The following NFAM1 variants were observed in gnomAD, a reference collection of about 807,000 sequenced individuals.
The protein encoded by NFAM1 is NFAT activation molecule 1.
Under a neutral mutation model 29.0 loss-of-function variants are expected in NFAM1, and 17 were observed. That is an observed-to-expected ratio of 0.59 (90% CI 0.40 to 0.88). NFAM1 has a LOEUF of 0.88. Among genes scored for constraint, NFAM1 ranks in the 40% least tolerant of loss-of-function variants. The pLI is 0.00. For missense variants in NFAM1, 324 were observed against 344.6 expected, an observed-to-expected ratio of 0.94 and a Z score of 0.47; for synonymous variants, 175 against 147.2, an observed-to-expected ratio of 1.19 and a Z score of -1.36.
At chr22:42,420,021 T>TGAGGCAGAA (rs1930392460) in intron 1 of NFAM1, among the ~76,000 whole-genome samples, 1 of 100,302 alleles carries the variant, frequency 1.0e-5, no homozygotes, top group Admixed American at 1.1e-4. Context: ...TTTTTTTTTT[T>TGAGGCAGAA]TTTTTCTGAG....
At position 42,419,998 on chromosome 22, in the gene NFAM1, T is replaced by TTTTG. The variant is rs1569234727; in HGVS notation, c.122-8263_122-8262insCAAA. 3.8e-5 allele frequency among the ~76,000 whole-genome samples: 1 copy of TTTTG among 25,976 alleles called. No individual in the cohort carries two copies. Among genetic ancestry groups the TTTTG allele is most frequent in the Non-Finnish European group, 7.1e-5 (1 of 14,168 alleles). 17.0% of individuals were successfully genotyped at this position (25,976 alleles called of 152,430 possible). On this transcript the variant is annotated intron_variant, in intron 1 of 5. Transcript: ENST00000329021. This position sits in a 1 kb window ranked among gnomAD's most constrained non-coding sequence, Gnocchi z 4.5. Reference sequence around the variant, plus strand: ...CTGTAATCCCACTCTTGGTTTTTTTTTTTTTTTTTTTTTTTTTTTTTTTTT... The same window carrying TTTTG: ...CTGTAATCCCACTCTTGGTTTTTTTTTTTGTTTTTTTTTTTTTTTTTTTTTTTTT...
chr22:42,431,320 A>C (rs763933405), intron 1 of NFAM1, among the ~76,000 whole-genome samples: 1 of 152,186 alleles, frequency 6.6e-6, no homozygotes, highest in Non-Finnish European at 1.5e-5. Flanking sequence ...ATTTGTGGTC[A>C]TGAGAGGGGG....
intron 4 of NFAM1, among the ~76,000 whole-genome samples, chr22:42,390,109 G>C (rs1601734138): frequency 6.6e-6 from 1 of 151,970 alleles, no homozygotes; most frequent in Non-Finnish European, 1.5e-5. Context: ...CTGAGAGTAA[G>C]ATCGAGGATG....
chr22:42,435,812 CTTCTTTTT>C (rs1930925066), upstream of NFAM1, among the ~76,000 whole-genome samples: 1 of 133,170 alleles, frequency 7.5e-6, no homozygotes, highest in African/African-American at 3.3e-5. Context: ...TCCTTTTCTT[CTTCTTTTT>C]TTTTTTTTTT....
intron 1 of NFAM1, among the ~76,000 whole-genome samples, chr22:42,414,124 A>G (rs1930182449): frequency 6.6e-6 from 1 of 152,172 alleles, no homozygotes; most frequent in Non-Finnish European, 1.5e-5. Flanking sequence ...AGGCACTCAC[A>G]GTTCCAGGGA....
chr22:42,437,802 G>A, the NFAM1 span, among the ~76,000 whole-genome samples: 6 of 152,234 alleles, frequency 3.9e-5, no homozygotes, highest in African/African-American at 1.4e-4. Flanking sequence ...AGGGCAGTGG[G>A]GGTTCCGGGG....
At chr22:42,435,063 C>A (rs559308630), upstream of NFAM1, among the ~76,000 whole-genome samples, 1 of 152,232 alleles carries the variant, frequency 6.6e-6, no homozygotes, top group East Asian at 1.9e-4. Context: ...AGCTTCCAAG[C>A]GCCTGACACT....
Position 42,388,214 on chromosome 22 carries a change from C to A in NFAM1, c.664-1136G>T, listed in dbSNP as rs757990624. ...TAGGTTCGAATCTCGGCTCTGACTG[C>A]GCCAGCCAAAGGCAACCCCTTAACC... On this transcript the variant is annotated intron_variant, in intron 4 of 5. Transcript: ENST00000329021. This position sits in a 1 kb window ranked among gnomAD's most constrained non-coding sequence, Gnocchi z 4.1. Among the ~76,000 whole-genome samples the A allele has an allele frequency of 3.9e-5, 6 of 151,910 alleles. No individual in the cohort carries two copies. Among genetic ancestry groups the A allele is most frequent in the Non-Finnish European group, 8.8e-5 (6 of 67,972 alleles).
At chr22:42,385,862 C>T (rs920866115) in intron 5 of NFAM1, among the ~76,000 whole-genome samples, 6 of 152,110 alleles carry the variant, frequency 3.9e-5, no homozygotes, top group African/African-American at 7.2e-5. Flanking sequence ...AGTGCCAGCC[C>T]GAGCCAGAGA....
At chr22:42,420,592 A>G (rs1482478773) in intron 1 of NFAM1, among the ~76,000 whole-genome samples, 1 of 151,840 alleles carries the variant, frequency 6.6e-6, no homozygotes, top group Non-Finnish European at 1.5e-5. Flanking sequence ...ACGGTGAAAC[A>G]CTGTCTCTAC....
intron 1 of NFAM1, among the ~76,000 whole-genome samples, chr22:42,420,137 A>G (rs1046686891): frequency 9.3e-5 from 14 of 150,296 alleles, no homozygotes; most frequent in African/African-American, 2.9e-4. Context: ...CAGCTTCCCA[A>G]GTTGCTAGGA....
At chr22:42,392,893 A>G (rs1330305533) in intron 4 of NFAM1, among the ~76,000 whole-genome samples, 1 of 151,950 alleles carries the variant, frequency 6.6e-6, no homozygotes, top group Non-Finnish European at 1.5e-5. Context: ...TCTGCCTCCC[A>G]GGTTCAAGTG....
At chr22:42,390,473 G>A (rs1929296415) in intron 4 of NFAM1, among the ~76,000 whole-genome samples, 1 of 152,134 alleles carries the variant, frequency 6.6e-6, no homozygotes, top group East Asian at 1.9e-4. Context: ...TGAAAGGGAA[G>A]TCAGGAAAAT....
rs1928916643 is a variant in NFAM1 at position 42,380,747 on chromosome 22, G to A, written c.*4414C>T. On this transcript the variant is annotated 3_prime_UTR_variant, in exon 6 of 6. Coordinates refer to ENST00000329021, the MANE Select transcript of NFAM1 (RefSeq NM_145912.8). ...AAAAATCCATCCCTGAAATCCCAGAGGCATCTTTAGAATGGAGCATGGACT... is the reference window on the plus strand; with the variant it reads ...AAAAATCCATCCCTGAAATCCCAGAAGCATCTTTAGAATGGAGCATGGACT... 6.6e-6 allele frequency: 1 copy of A among 152,512 alleles called. No individual in the cohort carries two copies. The highest frequency in any genetic ancestry group is 1.5e-5 in the Non-Finnish European group (1 of 68,030). The allele number at this position is 152,512 out of a possible 1,614,324, so 9.4% of individuals were successfully genotyped here. A position where few individuals can be genotyped will look rare whatever the true frequency, so the allele number is the denominator to read the frequency against.
intron 1 of NFAM1, among the ~76,000 whole-genome samples, chr22:42,425,073 C>T (rs1199817341): frequency 6.6e-6 from 1 of 152,088 alleles, no homozygotes; most frequent in Non-Finnish European, 1.5e-5. Flanking sequence ...AGGTGCATGC[C>T]ACCATGCCTG....
chr22:42,410,645 C>T lies in NFAM1; in HGVS notation c.451+762G>A, dbSNP rs548675488. 1.6e-4 allele frequency among the ~76,000 whole-genome samples: 22 copies of T among 138,812 alleles called. No individual in the cohort carries two copies. In the South Asian group the frequency reaches 3.3e-3, roughly 21 times the overall value. The allele number at this position is 138,812 out of a possible 152,430, so 91.1% of individuals were successfully genotyped here. ...GTGCACTTCAGCCTGGGTGACAGAG[C>T]GAGACTCTGTCTCAAAAAAAAAAAA... On this transcript the variant is annotated intron_variant, in intron 2 of 5. Transcript: ENST00000329021.
intron 2 of NFAM1, chr22:42,410,594 G>C (rs1391350382): frequency 8.4e-6 from 2 of 238,488 alleles, no homozygotes; most frequent in Non-Finnish European, 1.8e-5. Flanking sequence ...AGGAGGCAGA[G>C]ATTGCAGTGA....
chr22:42,432,764 A>G (rs1227355260), upstream of NFAM1, among the ~76,000 whole-genome samples: 2 of 152,230 alleles, frequency 1.3e-5, no homozygotes, highest in East Asian at 3.9e-4. Flanking sequence ...GCATGTTCAC[A>G]CAAACTTCTC....
chr22:42,424,994 TCA>T (rs753268458), intron 1 of NFAM1, among the ~76,000 whole-genome samples: 103 of 152,166 alleles, frequency 6.8e-4, no homozygotes, highest in Non-Finnish European at 1.2e-3. Context: ...CAATCCCGTC[TCA>T]CAGCAAACTC....
Sources: allele counts gnomAD v4.1 joint callset (sites outside exome capture counted in the v4.1 genomes callset), GRCh38; gene constraint gnomAD v4.1.1; non-coding constraint Gnocchi (gnomAD v3.1); transcripts MANE v1.5; gene names NCBI Gene and HGNC (gene_info 2026-07-23, HGNC 2026-07-21).